RFX3: variants seen among roughly 807,000 people sequenced by gnomAD.
RFX3 encodes regulatory factor X3, also known as transcription factor RFX3.
A neutral mutation model predicts 98.6 loss-of-function variants in RFX3; 14 were observed. The ratio of observed to expected loss-of-function variants is 0.14; its 90% CI spans 0.09 to 0.22. The LOEUF (loss-of-function observed/expected upper bound fraction) is 0.22, where lower values mean the gene tolerates loss of function less well. RFX3 is among the 10% of genes least tolerant of loss of function. The pLI is 1.00. For synonymous variants in RFX3, 383 were observed against 328.4 expected, an observed-to-expected ratio of 1.17 and a Z score of -1.80; for missense variants, 639 against 926.9, an observed-to-expected ratio of 0.69 and a Z score of 4.03.
chr9:3,405,488 T>C (rs993317549), intron 1 of RFX3, among the ~76,000 whole-genome samples: 5 of 152,182 alleles, frequency 3.3e-5, no homozygotes, highest in African/African-American at 1.2e-4. Context: ...AATTTAGATT[T>C]TCATCTTTTC....
At chr9:3,380,106 A>C (rs75839748) in intron 2 of RFX3, among the ~76,000 whole-genome samples, 1 of 151,726 alleles carries the variant, frequency 6.6e-6, no homozygotes, top group East Asian at 1.9e-4. Flanking sequence ...TTTTGTATTT[A>C]GTAGAGATGA....
intron 1 of RFX3, among the ~76,000 whole-genome samples, chr9:3,493,782 A>C (rs1850920453): frequency 6.7e-6 from 1 of 150,348 alleles, no homozygotes; most frequent in African/African-American, 2.4e-5. Flanking sequence ...TAAGGTCCAA[A>C]TCCTAAGCCA....
chr9:3,244,263 CCCA>C (rs1820343952), intron 15 of RFX3, among the ~76,000 whole-genome samples: 1 of 152,132 alleles, frequency 6.6e-6, no homozygotes, highest in Admixed American at 6.5e-5. Flanking sequence ...GCCTTGTCCT[CCCA>C]AAGTGCTGGG....
intron 2 of RFX3, among the ~76,000 whole-genome samples, chr9:3,378,499 G>C (rs950227585): frequency 4.7e-5 from 7 of 149,106 alleles, no homozygotes; most frequent in Admixed American, 4.7e-4. Flanking sequence ...CTATTTTTAA[G>C]TAAAAATAAA....
At chr9:3,506,612 G>T (rs1817123658) in intron 1 of RFX3, among the ~76,000 whole-genome samples, 1 of 151,864 alleles carries the variant, frequency 6.6e-6, no homozygotes, top group African/African-American at 2.4e-5. Flanking sequence ...CTGAAAGTAA[G>T]ATATTAGCCT....
intron 1 of RFX3, among the ~76,000 whole-genome samples, chr9:3,446,807 C>G (rs1287023241): frequency 6.6e-6 from 1 of 151,960 alleles, no homozygotes; most frequent in South Asian, 2.1e-4. Flanking sequence ...CTCACACAGA[C>G]TTAAAATGGA....
chr9:3,330,071 G>C (rs1388314905), intron 4 of RFX3, among the ~76,000 whole-genome samples, 188 bp downstream of exon 4: 1 of 152,068 alleles, frequency 6.6e-6, no homozygotes, highest in Non-Finnish European at 1.5e-5. Context: ...CCTGATTAGA[G>C]GGCATATGTA....
At position 3,497,427 on chromosome 9, in the gene RFX3, C is replaced by T. The variant is rs562998038; in HGVS notation, c.-9+28320G>A. ...GGATAAAGAAAAAAACTGATAACCT[C>T]GTGGTGAAACTTCCAAAAATTAGAG... On this transcript the variant is annotated intron_variant, in intron 1 of 16. Transcript: ENST00000617270. Among the ~76,000 whole-genome samples the T allele has an allele frequency of 1.3e-4, 20 of 152,056 alleles. No homozygotes were observed. In the South Asian group the frequency reaches 2.5e-3, roughly 19 times the overall value.
At chr9:3,502,470 T>A (rs775614197) in intron 1 of RFX3, among the ~76,000 whole-genome samples, 3 of 152,134 alleles carry the variant, frequency 2.0e-5, no homozygotes, top group Non-Finnish European at 4.4e-5. Context: ...TTTCACAATT[T>A]TTAGTGAAAG....
chr9:3,517,784 G>C (rs1281807681), intron 1 of RFX3, among the ~76,000 whole-genome samples: 1 of 152,170 alleles, frequency 6.6e-6, no homozygotes, highest in East Asian at 1.9e-4. Flanking sequence ...ATAGTTAGTG[G>C]AACAAGGTTA....
At chr9:3,281,633 G>C (rs1203637153) in intron 7 of RFX3, among the ~76,000 whole-genome samples, 2 of 151,740 alleles carry the variant, frequency 1.3e-5, no homozygotes, top group Admixed American at 6.6e-5. Flanking sequence ...TGGGTAATCA[G>C]TGCTAAAGTT....
intron 1 of RFX3, among the ~76,000 whole-genome samples, chr9:3,474,096 T>G (rs907678948): frequency 7.2e-5 from 11 of 152,184 alleles, no homozygotes; most frequent in African/African-American, 2.7e-4. Flanking sequence ...GAACCACACT[T>G]TGAGAACCAC....
intron 1 of RFX3, among the ~76,000 whole-genome samples, chr9:3,491,981 C>T (rs1850756176): frequency 6.6e-6 from 1 of 152,174 alleles, no homozygotes; most frequent in Admixed American, 6.5e-5. Flanking sequence ...ATTGGCCTCA[C>T]CCACAAGACC....
At chr9:3,483,570 A>T (rs1849994940) in intron 1 of RFX3, among the ~76,000 whole-genome samples, 1 of 151,876 alleles carries the variant, frequency 6.6e-6, no homozygotes, top group Non-Finnish European at 1.5e-5. Context: ...GCTCTGTTAT[A>T]CTTAGGGGAA....
intron 8 of RFX3, among the ~76,000 whole-genome samples, chr9:3,277,079 T>C (rs1825321697): frequency 6.6e-6 from 1 of 152,030 alleles, no homozygotes; most frequent in African/African-American, 2.4e-5. Context: ...ATAATACAAA[T>C]TCTGGAAAAC....
At chr9:3,343,680 G>A (rs777188477) in intron 3 of RFX3, among the ~76,000 whole-genome samples, 10 of 152,154 alleles carry the variant, frequency 6.6e-5, no homozygotes, top group Non-Finnish European at 1.3e-4. Context: ...TCCTTATTAA[G>A]TATAAAAATG....
rs147654465 is a variant in RFX3 at position 3,314,792 on chromosome 9, G to A, written c.475-13172C>T. ...GAGACAAACAGGGCCATTACATAAT[G>A]GTAAAGAGATCAATTCAACAAGAAG... is the stretch of plus-strand genomic sequence containing the variant. On this transcript the variant is annotated intron_variant, in intron 4 of 16. Transcript: ENST00000617270. Among the ~76,000 whole-genome samples the A allele has an allele frequency of 4.5e-3, 683 of 152,136 alleles. 6 individuals are homozygous for A. The highest frequency in any genetic ancestry group is 0.016 in the African/African-American group (648 of 41,492).
intron 1 of RFX3, among the ~76,000 whole-genome samples, chr9:3,513,683 C>A (rs1817862138): frequency 6.6e-6 from 1 of 152,166 alleles, no homozygotes; most frequent in South Asian, 2.1e-4. Flanking sequence ...AGGATCGCTA[C>A]AATTACCTCC....
At chr9:3,253,556 T>C (rs1166920153) in intron 14 of RFX3, among the ~76,000 whole-genome samples, 1 of 152,156 alleles carries the variant, frequency 6.6e-6, no homozygotes, top group Non-Finnish European at 1.5e-5. Flanking sequence ...GTGATTTTTT[T>C]TTTCTGCCTC....
Sources: gnomAD v4.1 joint callset for allele counts (sites outside exome capture counted in the v4.1 genomes callset) on GRCh38, gnomAD v4.1.1 for gene constraint, MANE v1.5 for transcripts, NCBI Gene and HGNC (gene_info 2026-07-23, HGNC 2026-07-21) for gene names.